Variants in CLSTN2 observed in about 807,000 individuals in gnomAD.
The protein encoded by CLSTN2 is calsyntenin 2.
CLSTN2 carries 48 observed loss-of-function variants against 101.2 expected under a neutral mutation model. That is an observed-to-expected ratio of 0.47 (90% confidence interval 0.38 to 0.60). The LOEUF (loss-of-function observed/expected upper bound fraction) is 0.60. Ranked by LOEUF, CLSTN2 falls within the 20% of genes least tolerant of loss-of-function variation. The pLI, the probability that CLSTN2 is intolerant of heterozygous loss-of-function variation, is 0.00. For synonymous variants in CLSTN2, 481 were observed against 463.6 expected, an observed-to-expected ratio of 1.04 and a Z score of -0.48; for missense variants, 1,160 against 1,238.2, an observed-to-expected ratio of 0.94 and a Z score of 0.95.
intron 1 of CLSTN2, among the ~76,000 whole-genome samples, chr3:140,001,638 T>G (rs115673713): frequency 3.9e-5 from 6 of 152,126 alleles, no homozygotes; most frequent in African/African-American, 1.2e-4. Context: ...ATACTTTTTT[T>G]AAGCTATTTT....
intron 8 of CLSTN2, among the ~76,000 whole-genome samples, chr3:140,473,333 G>A (rs1356999069): frequency 6.6e-6 from 1 of 152,154 alleles, no homozygotes; most frequent in African/African-American, 2.4e-5. Context: ...CGAAATAATG[G>A]TCCCCAAAGA....
At chr3:140,438,985 C>T (rs533646611) in intron 5 of CLSTN2, among the ~76,000 whole-genome samples, 9 of 152,288 alleles carry the variant, frequency 5.9e-5, no homozygotes, top group Non-Finnish European at 1.3e-4. Flanking sequence ...TGGCTGCTGA[C>T]CCACGGCCCC....
intron 2 of CLSTN2, among the ~76,000 whole-genome samples, chr3:140,244,770 T>C (rs533145722): frequency 1.9e-4 from 29 of 152,332 alleles, no homozygotes; most frequent in African/African-American, 7.0e-4. Flanking sequence ...TTATACTGCA[T>C]TTGTGTTAAT....
chr3:140,070,861 A>G (rs1298186808), intron 1 of CLSTN2, among the ~76,000 whole-genome samples: 47 of 152,184 alleles, frequency 3.1e-4, no homozygotes. Context: ...TTTTCCAGCT[A>G]CAAAGGCAGA....
At chr3:140,342,056 T>G (rs907698914) in intron 2 of CLSTN2, among the ~76,000 whole-genome samples, 5 of 152,178 alleles carry the variant, frequency 3.3e-5, no homozygotes, top group Non-Finnish European at 7.3e-5. Context: ...CAGTTATACC[T>G]TGTCATACAT....
At chr3:140,504,360 C>T (rs963796783) in intron 8 of CLSTN2, among the ~76,000 whole-genome samples, 3 of 150,622 alleles carry the variant, frequency 2.0e-5, no homozygotes, top group African/African-American at 7.3e-5. Flanking sequence ...ATATTTTTCT[C>T]ATGCCAAAAA....
At chr3:139,989,479 C>A (rs546462515) in intron 1 of CLSTN2, among the ~76,000 whole-genome samples, 1 of 152,122 alleles carries the variant, frequency 6.6e-6, no homozygotes, top group African/African-American at 2.4e-5. Flanking sequence ...TTCCACGTGG[C>A]CTGTTACCAG....
Position 140,576,269 on chromosome 3 carries a change from T to C in CLSTN2, c.*10016T>C, listed in dbSNP as rs1410618646. On this transcript the variant is annotated 3_prime_UTR_variant, in exon 17 of 17. Transcript: ENST00000458420. Reference sequence around the variant, plus strand: ...TGGGTTTGCATGCACCTAGACTGCATCTGCTGAACACCCAACAGCTGTTTC... The same window carrying C: ...TGGGTTTGCATGCACCTAGACTGCACCTGCTGAACACCCAACAGCTGTTTC... 1.3e-5 allele frequency: 2 copies of C among 152,218 alleles called. No homozygotes were observed. The highest frequency in any genetic ancestry group is 2.9e-5 in the Non-Finnish European group (2 of 68,038). The allele number at this position is 152,218 out of a possible 1,614,324, so 9.4% of individuals were successfully genotyped here.
intron 5 of CLSTN2, among the ~76,000 whole-genome samples, chr3:140,428,863 G>A (rs1401138517): frequency 6.6e-6 from 1 of 152,150 alleles, no homozygotes; most frequent in African/African-American, 2.4e-5. Flanking sequence ...CATTAGGAAG[G>A]AAGGGTGGCA....
chr3:140,187,973 A>C (rs2010506790), intron 2 of CLSTN2, among the ~76,000 whole-genome samples: 1 of 152,088 alleles, frequency 6.6e-6, no homozygotes, highest in East Asian at 1.9e-4. Context: ...CTTGAGTAGC[A>C]TTCCTTTGGC....
chr3:140,255,633 T>A (rs1018978523), intron 2 of CLSTN2, among the ~76,000 whole-genome samples: 91 of 152,184 alleles, frequency 6.0e-4, no homozygotes, highest in African/African-American at 2.0e-3. Context: ...GAGTGAGGAA[T>A]GAAAACTACA....
At chr3:140,171,785 A>ATATATAATATATATAATATGTAT (rs1559797351) in intron 1 of CLSTN2, among the ~76,000 whole-genome samples, 1 of 75,624 alleles carries the variant, frequency 1.3e-5, no homozygotes, top group African/African-American at 8.5e-5. Context: ...GTATTATATA[A>ATATATAATATATATAATATGTAT]TATATAATAT....
At chr3:140,061,625 C>T (rs575271936) in intron 1 of CLSTN2, among the ~76,000 whole-genome samples, 18 of 152,338 alleles carry the variant, frequency 1.2e-4, no homozygotes, top group East Asian at 1.2e-3. Context: ...AGTTACTTTC[C>T]TATCATAACT....
Position 140,419,749 on chromosome 3 carries a change from A to G in CLSTN2, c.638-1376A>G, listed in dbSNP as rs1288354201. Among the ~76,000 whole-genome samples, 2 of 66,288 alleles carry G rather than the reference A, an allele frequency of 3.0e-5. 1 individual carries two copies. Among genetic ancestry groups the G allele is most frequent in the Admixed American group, 2.5e-4 (2 of 7,890 alleles). 43.5% of individuals were successfully genotyped at this position (66,288 alleles called of 152,430 possible). On this transcript the variant is annotated intron_variant, in intron 4 of 16. Coordinates refer to ENST00000458420, the MANE Select transcript of CLSTN2 (RefSeq NM_022131.3). ...TATATACATGTATATACGTATATATACACATATACGTGTATACACGTGTAT... is the reference window on the plus strand; with the variant it reads ...TATATACATGTATATACGTATATATGCACATATACGTGTATACACGTGTAT...
chr3:140,309,368 C>T (rs1376590010), intron 2 of CLSTN2, among the ~76,000 whole-genome samples: 1 of 152,128 alleles, frequency 6.6e-6, no homozygotes, highest in Non-Finnish European at 1.5e-5. Flanking sequence ...TGCTGATCCT[C>T]CCCAGGAGAT....
At chr3:140,039,523 G>A (rs920781854) in intron 1 of CLSTN2, among the ~76,000 whole-genome samples, 15 of 152,286 alleles carry the variant, frequency 9.8e-5, no homozygotes, top group African/African-American at 3.4e-4. Flanking sequence ...ATATTTAAAA[G>A]CATGAACTAT....
intron 2 of CLSTN2, among the ~76,000 whole-genome samples, chr3:140,388,351 T>C (rs1470186714): frequency 6.6e-6 from 1 of 152,242 alleles, no homozygotes; most frequent in African/African-American, 2.4e-5. Context: ...TTGATGGAGA[T>C]ACATAAATCA....
intron 2 of CLSTN2, among the ~76,000 whole-genome samples, chr3:140,205,808 C>A (rs1350353492): frequency 1.3e-5 from 2 of 152,178 alleles, no homozygotes; most frequent in East Asian, 3.9e-4. Flanking sequence ...AGCTTTTACT[C>A]CCTGATCAAG....
At chr3:140,165,679 C>T in intron 1 of CLSTN2, among the ~76,000 whole-genome samples, 1 of 152,112 alleles carries the variant, frequency 6.6e-6, no homozygotes, top group Middle Eastern at 3.2e-3. Context: ...CATCTGATCT[C>T]CTAATGGAGG....
Sources: gnomAD v4.1 joint callset for allele counts (sites outside exome capture counted in the v4.1 genomes callset) on GRCh38, gnomAD v4.1.1 for gene constraint, MANE v1.5 for transcripts, NCBI Gene and HGNC (gene_info 2026-07-23, HGNC 2026-07-21) for gene names.